OPCML: variants seen among roughly 807,000 people sequenced by gnomAD.
The protein encoded by OPCML is opioid-binding protein/cell adhesion molecule.
In OPCML, 13 loss-of-function variants were observed where a neutral mutation model predicts 37.8. The observed-to-expected ratio is 0.34, with a 90% CI of 0.22 to 0.55. The LOEUF (loss-of-function observed/expected upper bound fraction) is 0.55. Ranked by LOEUF, OPCML falls within the 20% of genes least tolerant of loss-of-function variation. The pLI is 0.91. For missense variants in OPCML, 341 were observed against 435.6 expected, an observed-to-expected ratio of 0.78 and a Z score of 1.93; for synonymous variants, 176 against 168.8, an observed-to-expected ratio of 1.04 and a Z score of -0.33.
chr11:133,038,324 T>C (rs141845138), intron 1 of OPCML, among the ~76,000 whole-genome samples: 78 of 152,326 alleles, frequency 5.1e-4, no homozygotes, highest in Non-Finnish European at 1.3e-4. Flanking sequence ...TAGCTTTTCC[T>C]CACCCTTCCT....
intron 1 of OPCML, among the ~76,000 whole-genome samples, chr11:133,347,948 T>A (rs550868550): frequency 6.6e-6 from 1 of 152,276 alleles, no homozygotes; most frequent in East Asian, 1.9e-4. Context: ...GTGTGGAGGA[T>A]ATGACAATCC....
intron 2 of OPCML, among the ~76,000 whole-genome samples, chr11:132,891,761 C>T (rs1023988179): frequency 6.6e-6 from 1 of 152,208 alleles, no homozygotes; most frequent in East Asian, 1.9e-4. Context: ...CCTCTAATTT[C>T]ATTCAAATAT....
intron 1 of OPCML, among the ~76,000 whole-genome samples, chr11:132,990,558 T>C (rs1478566556): frequency 6.6e-6 from 1 of 152,214 alleles, no homozygotes; most frequent in Non-Finnish European, 1.5e-5. Flanking sequence ...GGAAAGACTT[T>C]ACATTGGTCA....
chr11:133,044,376 G>A (rs1361338079), intron 1 of OPCML, among the ~76,000 whole-genome samples: 1 of 152,196 alleles, frequency 6.6e-6, no homozygotes, highest in African/African-American at 2.4e-5. Context: ...TATGACTCTT[G>A]AGCATGGGGA....
chr11:132,578,161 C>T (rs1037372429), intron 3 of OPCML, among the ~76,000 whole-genome samples: 1 of 152,180 alleles, frequency 6.6e-6, no homozygotes, highest in Non-Finnish European at 1.5e-5. Context: ...GAATTTATAG[C>T]ACTGACTTCT....
At chr11:132,736,440 G>A (rs1357541471) in intron 2 of OPCML, among the ~76,000 whole-genome samples, 1 of 152,138 alleles carries the variant, frequency 6.6e-6, no homozygotes. Flanking sequence ...AGGGACAGAG[G>A]GTGAACTGTG....
chr11:132,651,466 G>A (rs1941424448), intron 3 of OPCML, among the ~76,000 whole-genome samples: 1 of 152,216 alleles, frequency 6.6e-6, no homozygotes, highest in African/African-American at 2.4e-5. Flanking sequence ...TAACCTCGAT[G>A]AGTAAGTCTA....
intron 3 of OPCML, among the ~76,000 whole-genome samples, chr11:132,575,684 C>T (rs1019000838): frequency 2.0e-5 from 3 of 151,972 alleles, no homozygotes; most frequent in Admixed American, 1.3e-4. Context: ...TACAGTAATA[C>T]AGTATTCTGT....
intron 1 of OPCML, among the ~76,000 whole-genome samples, chr11:133,136,423 C>T (rs1949691317): frequency 2.0e-5 from 3 of 152,146 alleles, no homozygotes; most frequent in Admixed American, 2.0e-4. Flanking sequence ...ACTGCAGAGA[C>T]AGACTGGGAT....
At chr11:132,554,463 G>A (rs2096389743) in intron 3 of OPCML, among the ~76,000 whole-genome samples, 1 of 152,194 alleles carries the variant, frequency 6.6e-6, no homozygotes, top group Non-Finnish European at 1.5e-5. Context: ...GCATTCAGAA[G>A]CCAGCTAGCT....
chr11:133,439,624 T>C (rs559525962), intron 1 of OPCML, among the ~76,000 whole-genome samples: 185 of 152,024 alleles, frequency 1.2e-3, no homozygotes, highest in East Asian at 0.01. Context: ...CCCGCCACCA[T>C]GCCCGGCTAA....
chr11:132,836,466 T>C (rs983438714), intron 2 of OPCML, among the ~76,000 whole-genome samples: 2 of 152,170 alleles, frequency 1.3e-5, no homozygotes, highest in Non-Finnish European at 2.9e-5. Flanking sequence ...ATATGATATG[T>C]GCATATGAGA....
chr11:133,218,760 A>T (rs994318753), intron 1 of OPCML, among the ~76,000 whole-genome samples: 4 of 152,042 alleles, frequency 2.6e-5, no homozygotes, highest in Admixed American at 2.6e-4. Context: ...AGCTCTCTGG[A>T]TGGATTTGAT....
At chr11:133,275,894 C>T (rs1422543869) in intron 1 of OPCML, among the ~76,000 whole-genome samples, 2 of 152,168 alleles carry the variant, frequency 1.3e-5, no homozygotes, top group African/African-American at 4.8e-5. Flanking sequence ...TTTATCCTCA[C>T]ATATTTTATG....
chr11:133,428,708 A>G (rs373935670), intron 1 of OPCML, among the ~76,000 whole-genome samples: 1 of 152,200 alleles, frequency 6.6e-6, no homozygotes, highest in South Asian at 2.1e-4. Flanking sequence ...ATGAAGAGGC[A>G]TACTACATTC....
Position 132,420,087 on chromosome 11 carries a change from A to G in OPCML, c.*106T>C. 1 of 864,520 alleles carries G rather than the reference A, an allele frequency of 1.2e-6. No individual in the cohort carries two copies. Among genetic ancestry groups the G allele is most frequent in the Non-Finnish European group, 1.8e-6 (1 of 553,986 alleles). 53.6% of individuals were successfully genotyped at this position (864,520 alleles called of 1,614,324 possible). The stretch of plus-strand genomic sequence containing the variant: ...ACAAAAAGAAAACAAATCTAGAATA[A>G]CAGAAAAAAACAAAAAGAAGCCCAA... On this transcript the variant is annotated 3_prime_UTR_variant, in exon 8 of 8. Coordinates refer to ENST00000524381, the MANE Select transcript of OPCML (RefSeq NM_001012393.5).
intron 3 of OPCML, among the ~76,000 whole-genome samples, chr11:132,599,366 G>GAAGA (rs1200789742): frequency 1.6e-5 from 2 of 128,494 alleles, no homozygotes; most frequent in African/African-American, 5.8e-5. Flanking sequence ...GGAGAAGGAG[G>GAAGA]AGGAGGAAGA....
intron 3 of OPCML, among the ~76,000 whole-genome samples, chr11:132,586,568 A>G (rs138787762): frequency 1.0e-3 from 152 of 152,330 alleles, no homozygotes; most frequent in African/African-American, 3.4e-3. Flanking sequence ...CCTGGGATGA[A>G]CAATAATGTG....
chr11:132,588,497 A>T (rs143788743), intron 3 of OPCML, among the ~76,000 whole-genome samples: 1 of 152,286 alleles, frequency 6.6e-6, no homozygotes, highest in African/African-American at 2.4e-5. Context: ...AAACAAGACC[A>T]TTCCAAAACT....
Sources: allele counts gnomAD v4.1 joint callset (sites outside exome capture counted in the v4.1 genomes callset), GRCh38; gene constraint gnomAD v4.1.1; transcripts MANE v1.5; gene names NCBI Gene and HGNC (gene_info 2026-07-23, HGNC 2026-07-21).